Variants in CLIC4 observed in about 807,000 individuals in gnomAD.
The protein encoded by CLIC4 is chloride intracellular channel protein 4.
A neutral mutation model predicts 24.6 loss-of-function variants in CLIC4; 13 were observed. That is an observed-to-expected ratio of 0.53 (90% CI 0.34 to 0.84). CLIC4 has a LOEUF of 0.84. Among genes scored for constraint, CLIC4 ranks in the 40% least tolerant of loss-of-function variants. CLIC4 has a pLI of 0.01. For synonymous variants in CLIC4, 104 were observed against 111.3 expected, an observed-to-expected ratio of 0.93 and a Z score of 0.41; for missense variants, 227 against 301.7, an observed-to-expected ratio of 0.75 and a Z score of 1.83.
chr1:24,821,911 C>T (rs1571261931), intron 3 of CLIC4, among the ~76,000 whole-genome samples: 1 of 152,202 alleles, frequency 6.6e-6, no homozygotes, highest in East Asian at 1.9e-4. Context: ...TGCTGCTTAT[C>T]CCTCTGCTGT....
rs116354546 is a variant in CLIC4 at position 24,749,347 on chromosome 1, G to A, written c.72+3722G>A. On this transcript the variant is annotated intron_variant, in intron 1 of 5. Transcript: ENST00000374379. ...TTGTAAAAGAAAACTATTTACAGTT[G>A]AAGCACATAGCATGTATGGAAATTA... Among the ~76,000 whole-genome samples the A allele has an allele frequency of 7.8e-3, 1,192 of 152,282 alleles. 18 individuals are homozygous for A. The highest frequency in any genetic ancestry group is 0.027 in the African/African-American group (1,133 of 41,562).
intron 4 of CLIC4, 123 bp from the exon 5 acceptor site, chr1:24,839,737 A>G: frequency 4.9e-6 from 4 of 824,524 alleles, no homozygotes; most frequent in Admixed American, 2.9e-5. Context: ...GTTTTGTTCT[A>G]CAGTACCTTG....
chr1:24,767,046 AAAGAAAAAG>A (rs1179560322), intron 1 of CLIC4, among the ~76,000 whole-genome samples: 8 of 150,184 alleles, frequency 5.3e-5, no homozygotes, highest in African/African-American at 2.0e-4. Context: ...AAAAAAAAAA[AAAGAAAAAG>A]AAAAGAAAAA....
intron 1 of CLIC4, among the ~76,000 whole-genome samples, chr1:24,785,715 G>T (rs1639258011): frequency 1.3e-5 from 2 of 152,016 alleles, no homozygotes; most frequent in East Asian, 3.9e-4. Flanking sequence ...AGCCAGACAT[G>T]GTGGCAGGTG....
intron 4 of CLIC4, among the ~76,000 whole-genome samples, chr1:24,831,957 A>G (rs916184211): frequency 6.6e-5 from 10 of 152,204 alleles, no homozygotes; most frequent in Middle Eastern, 3.2e-3. Context: ...ACTGCCTTTA[A>G]TAAGAAGCAT....
At chr1:24,817,790 T>C (rs1249456194) in intron 3 of CLIC4, among the ~76,000 whole-genome samples, 2 of 152,200 alleles carry the variant, frequency 1.3e-5, no homozygotes, top group East Asian at 3.8e-4. Context: ...AAGTGAGAGA[T>C]ATGTGACTCT....
At chr1:24,764,946 C>G (rs553833767) in intron 1 of CLIC4, among the ~76,000 whole-genome samples, 4 of 152,258 alleles carry the variant, frequency 2.6e-5, no homozygotes, top group African/African-American at 9.6e-5. Flanking sequence ...AGGAACTGCT[C>G]TAAGCTCTGG....
chr1:24,755,992 T>C, intron 1 of CLIC4, among the ~76,000 whole-genome samples: 1 of 150,270 alleles, frequency 6.7e-6, no homozygotes, highest in African/African-American at 2.5e-5. Context: ...CAGCTAATTT[T>C]TTGATTTTTT....
At chr1:24,759,651 G>T (rs1190512167) in intron 1 of CLIC4, among the ~76,000 whole-genome samples, 1 of 152,136 alleles carries the variant, frequency 6.6e-6, no homozygotes, top group Non-Finnish European at 1.5e-5. Flanking sequence ...ATTATCAGTT[G>T]TTTAAAGAAA....
intron 1 of CLIC4, among the ~76,000 whole-genome samples, chr1:24,777,437 G>A (rs755372939): frequency 7.2e-5 from 11 of 152,112 alleles, no homozygotes; most frequent in Non-Finnish European, 1.5e-4. Context: ...CCAGCTACTC[G>A]GGAGGCTGAG....
intron 4 of CLIC4, among the ~76,000 whole-genome samples, chr1:24,828,272 A>G (rs537911480): frequency 2.3e-4 from 35 of 152,262 alleles, no homozygotes; most frequent in African/African-American, 8.4e-4. Flanking sequence ...AAGGGAAAAA[A>G]GGGAAAAATG....
intron 1 of CLIC4, among the ~76,000 whole-genome samples, chr1:24,785,923 T>C (rs562373072): frequency 1.3e-5 from 2 of 149,416 alleles, no homozygotes; most frequent in South Asian, 4.3e-4. Context: ...AGAAGCCAGA[T>C]GACTTTGCCC....
chr1:24,764,854 G>A (rs1638973138), intron 1 of CLIC4, among the ~76,000 whole-genome samples: 2 of 152,074 alleles, frequency 1.3e-5, no homozygotes, highest in South Asian at 4.1e-4. Context: ...TGTTGTTGTT[G>A]TTGTTGTTGG....
chr1:24,805,464 G>T (rs548251908), intron 2 of CLIC4, among the ~76,000 whole-genome samples: 2 of 152,162 alleles, frequency 1.3e-5, no homozygotes, highest in Admixed American at 6.5e-5. Context: ...CTTTTGTGAG[G>T]TTTTTTGTTG....
At chr1:24,775,220 C>CTTTTTTTTTTT (rs1439553733) in intron 1 of CLIC4, among the ~76,000 whole-genome samples, 1 of 77,034 alleles carries the variant, frequency 1.3e-5, no homozygotes, top group Admixed American at 1.4e-4. Flanking sequence ...TCCTTTCTTT[C>CTTTTTTTTTTT]TTTCTTTTTT....
chr1:24,840,120 A>C, intron 5 of CLIC4, 79 bp downstream of exon 5: 1 of 1,348,826 alleles, frequency 7.4e-7, no homozygotes, highest in Non-Finnish European at 1.0e-6. Flanking sequence ...TTGTGCTCAA[A>C]ACATTTCTGA....
chr1:24,778,763 A>G (rs1639171556), intron 1 of CLIC4, among the ~76,000 whole-genome samples: 1 of 152,206 alleles, frequency 6.6e-6, no homozygotes. Flanking sequence ...ACTCGTTTTC[A>G]TCATGGGTCT....
At chr1:24,757,179 G>A (rs1250421150) in intron 1 of CLIC4, among the ~76,000 whole-genome samples, 1 of 151,970 alleles carries the variant, frequency 6.6e-6, no homozygotes, top group Admixed American at 6.6e-5. Context: ...ACAGATGTGA[G>A]CCACCACGCC....
intron 1 of CLIC4, among the ~76,000 whole-genome samples, chr1:24,768,831 G>A (rs898214862): frequency 5.9e-5 from 9 of 151,404 alleles, no homozygotes; most frequent in African/African-American, 2.2e-4. Flanking sequence ...AACCCAGGAG[G>A]TGGAGGTTGC....
Sources: allele counts gnomAD v4.1 joint callset (sites outside exome capture counted in the v4.1 genomes callset), GRCh38; gene constraint gnomAD v4.1.1; transcripts MANE v1.5; gene names NCBI Gene and HGNC (gene_info 2026-07-23, HGNC 2026-07-21).